CDH13: variants seen among roughly 807,000 people sequenced by gnomAD.
CDH13 encodes the protein cadherin 13.
CDH13 carries 24 observed loss-of-function variants against 63.8 expected under a neutral mutation model. The observed-to-expected ratio is 0.38, with a 90% CI of 0.27 to 0.53. The LOEUF is 0.53. Among genes scored for constraint, CDH13 ranks in the 20% least tolerant of loss-of-function variants. CDH13 has a pLI of 0.85. For missense variants in CDH13, 1,049 were observed against 903.1 expected, an observed-to-expected ratio of 1.16 and a Z score of -2.07; for synonymous variants, 503 against 355.3, an observed-to-expected ratio of 1.42 and a Z score of -4.67.
At chr16:82,793,239 A>T (rs1009175967) in intron 1 of CDH13, among the ~76,000 whole-genome samples, 2 of 152,212 alleles carry the variant, frequency 1.3e-5, no homozygotes, top group African/African-American at 4.8e-5. Context: ...GGGGAATTTC[A>T]ATCAACCTGT....
At chr16:83,266,731 C>T (rs961844709) in intron 5 of CDH13, among the ~76,000 whole-genome samples, 18 of 152,190 alleles carry the variant, frequency 1.2e-4, no homozygotes, top group Admixed American at 1.2e-3. Flanking sequence ...CAACAAACAT[C>T]ACAACCTGTG....
chr16:83,532,625 A>G (rs530998354), intron 7 of CDH13, among the ~76,000 whole-genome samples: 2 of 152,224 alleles, frequency 1.3e-5, no homozygotes, highest in Non-Finnish European at 2.9e-5. Context: ...GTAGCCTATC[A>G]GCTCCACATT....
At chr16:83,438,981 C>T (rs981275641) in intron 6 of CDH13, among the ~76,000 whole-genome samples, 4 of 151,968 alleles carry the variant, frequency 2.6e-5, no homozygotes, top group African/African-American at 7.3e-5. Context: ...GAGCACCTGG[C>T]ATAGTTTTTA....
chr16:83,202,597 T>G (rs1327002481), intron 4 of CDH13, among the ~76,000 whole-genome samples: 1 of 152,148 alleles, frequency 6.6e-6, no homozygotes, highest in Non-Finnish European at 1.5e-5. Context: ...TTGATACTAT[T>G]TACATTTCCA....
At chr16:83,398,489 G>T (rs944874015) in intron 6 of CDH13, among the ~76,000 whole-genome samples, 1 of 152,052 alleles carries the variant, frequency 6.6e-6, no homozygotes, top group African/African-American at 2.4e-5. Flanking sequence ...ATCCAGGATG[G>T]TCTCATCTCA....
At chr16:83,664,489 T>C (rs892849992) in intron 8 of CDH13, among the ~76,000 whole-genome samples, 23 of 150,282 alleles carry the variant, frequency 1.5e-4, no homozygotes, top group African/African-American at 5.3e-4. Context: ...TGTAAATATA[T>C]ATCTTATGTA....
chr16:82,708,652 C>G lies in CDH13; in HGVS notation c.45+81515C>G, dbSNP rs375059105. Among the ~76,000 whole-genome samples, 51 of 152,242 alleles carry G rather than the reference C, an allele frequency of 3.3e-4. 1 individual carries two copies. Among genetic ancestry groups the G allele is most frequent in the African/African-American group, 1.1e-3 (46 of 41,546 alleles). ...ATTTATCTAAAGGGAAGATCTGATT[C>G]GCCCAGCTCAAGATAGTCAGGGTCT... On this transcript the variant is annotated intron_variant, in intron 1 of 13. Coordinates refer to ENST00000567109, the MANE Select transcript of CDH13 (RefSeq NM_001257.5).
chr16:82,859,564 G>GAAA, intron 2 of CDH13: 1 of 127,528 alleles, frequency 7.8e-6, no homozygotes, highest in Non-Finnish European at 1.7e-5. Context: ...TCTCAAAAAA[G>GAAA]AAAAAAAAAA....
At chr16:83,014,545 C>A (rs967640741) in intron 2 of CDH13, among the ~76,000 whole-genome samples, 2 of 150,518 alleles carry the variant, frequency 1.3e-5, no homozygotes, top group African/African-American at 2.4e-5. Context: ...ACCAGCCTGG[C>A]CAACATGGTG....
intron 1 of CDH13, among the ~76,000 whole-genome samples, chr16:82,657,376 G>A (rs751943972): frequency 2.6e-5 from 4 of 152,118 alleles, no homozygotes; most frequent in Admixed American, 6.5e-5. Context: ...TAACCAAGAT[G>A]GTTACTGAGT....
chr16:82,794,762 T>A (rs2036499893), intron 1 of CDH13, among the ~76,000 whole-genome samples: 1 of 152,222 alleles, frequency 6.6e-6, no homozygotes, highest in South Asian at 2.1e-4. Context: ...GCTGTTATAA[T>A]GTTTTATCTC....
intron 2 of CDH13, among the ~76,000 whole-genome samples, chr16:82,974,915 C>T (rs370860985): frequency 3.3e-5 from 5 of 152,182 alleles, no homozygotes; most frequent in African/African-American, 9.7e-5. Flanking sequence ...TTTGTTACAG[C>T]GGCCGCAGGA....
chr16:83,649,454 C>G (rs1210592161), intron 8 of CDH13, among the ~76,000 whole-genome samples: 2 of 152,108 alleles, frequency 1.3e-5, no homozygotes, highest in Non-Finnish European at 2.9e-5. Flanking sequence ...TGGTTGGGCT[C>G]AGAGCTGCTT....
At chr16:82,633,209 A>G (rs1908232565) in intron 1 of CDH13, among the ~76,000 whole-genome samples, 1 of 152,194 alleles carries the variant, frequency 6.6e-6, no homozygotes, top group African/African-American at 2.4e-5. Context: ...TCCTTGGAGA[A>G]CAGTGACAGC....
At chr16:83,791,862 A>C (rs927774933) in intron 13 of CDH13, among the ~76,000 whole-genome samples, 2 of 151,294 alleles carry the variant, frequency 1.3e-5, no homozygotes, top group African/African-American at 2.4e-5. Context: ...GCCAGTAAAC[A>C]CTTTTAAAAT....
At chr16:82,649,265 C>G (rs1367284751) in intron 1 of CDH13, among the ~76,000 whole-genome samples, 1 of 152,038 alleles carries the variant, frequency 6.6e-6, no homozygotes, top group Non-Finnish European at 1.5e-5. Context: ...GTGAAATGAA[C>G]TGGCTAGATA....
intron 6 of CDH13, among the ~76,000 whole-genome samples, chr16:83,375,158 CTACTCT>C (rs1224357783): frequency 6.6e-6 from 1 of 152,202 alleles, no homozygotes; most frequent in African/African-American, 2.4e-5. Context: ...TTTCACTGTA[CTACTCT>C]CAGGCATGCA....
intron 6 of CDH13, among the ~76,000 whole-genome samples, chr16:83,426,688 C>A (rs759073702): frequency 1.3e-5 from 2 of 152,038 alleles, no homozygotes; most frequent in African/African-American, 4.8e-5. Context: ...TGGTGCTTGG[C>A]ATGTAGATAG....
chr16:83,739,157 G>A (rs1417197064), intron 10 of CDH13, among the ~76,000 whole-genome samples: 1 of 152,130 alleles, frequency 6.6e-6, no homozygotes, highest in East Asian at 1.9e-4. Context: ...CACCTAAACT[G>A]CTTGCGCGAA....
Sources: allele counts gnomAD v4.1 joint callset (sites outside exome capture counted in the v4.1 genomes callset), GRCh38; gene constraint gnomAD v4.1.1; transcripts MANE v1.5; gene names NCBI Gene and HGNC (gene_info 2026-07-23, HGNC 2026-07-21).